Variants in DOCK9 observed in about 807,000 individuals in gnomAD.
DOCK9 encodes the protein dedicator of cytokinesis 9.
In DOCK9, 89 loss-of-function variants were observed where a neutral mutation model predicts 263.3. The ratio of observed to expected loss-of-function variants is 0.34; its 90% CI spans 0.28 to 0.40. DOCK9 has a LOEUF of 0.40. Ranked by LOEUF, DOCK9 falls within the 10% of genes least tolerant of loss-of-function variation. The pLI is 1.00. For missense variants in DOCK9, 2,140 were observed against 2,603.4 expected, an observed-to-expected ratio of 0.82 and a Z score of 3.87; for synonymous variants, 976 against 973.1, an observed-to-expected ratio of 1.00 and a Z score of -0.06.
In DOCK9 at chr13:98,829,899, G is replaced by A; in HGVS notation, c.4636-143C>T. The stretch of plus-strand genomic sequence containing the variant: ...TTTGAGCAGGGGTCGCTCCGTGTAG[G>A]AAACAATGTCTGAGGTATTTTCTTC... On this transcript the variant is annotated intron_variant, in intron 41 of 52. Transcript: ENST00000682017. The surrounding 1 kb of genome is among the most constrained non-coding windows in gnomAD (Gnocchi z 4.1). 1.6e-6 allele frequency: 1 copy of A among 637,490 alleles called. No homozygotes were observed. Among genetic ancestry groups the A allele is most frequent in the Non-Finnish European group, 2.8e-6 (1 of 356,464 alleles). 39.5% of individuals were successfully genotyped at this position (637,490 alleles called of 1,614,324 possible).
chr13:98,868,460 T>A lies in DOCK9; in HGVS notation c.2944-83A>T, dbSNP rs559380071. On this transcript the variant is annotated intron_variant, in intron 27 of 52. Transcript: ENST00000682017. ...AAAAAATATCTCATCCCTGAGTCCA[T>A]CTTAAAAAACCCAGAGTTTCTAGCT... 2.8e-6 allele frequency: 4 copies of A among 1,447,870 alleles called. No individual in the cohort carries two copies. The African/African-American group carries it at 5.7e-5, about 21-fold the overall frequency. The allele number at this position is 1,447,870 out of a possible 1,614,324, so 89.7% of individuals were successfully genotyped here.
intron 27 of DOCK9, among the ~76,000 whole-genome samples, chr13:98,878,491 GACA>G (rs1313527720): frequency 1.3e-5 from 2 of 152,050 alleles, no homozygotes; most frequent in Non-Finnish European, 1.5e-5. Context: ...ATATCAGTAA[GACA>G]ACATTTTTTT....
chr13:99,058,794 T>C (rs2041049019), intron 1 of DOCK9, among the ~76,000 whole-genome samples: 1 of 152,114 alleles, frequency 6.6e-6, no homozygotes, highest in African/African-American at 2.4e-5. Context: ...ATAGGGCACA[T>C]GTAGCAGCCA....
chr13:98,961,641 G>A (rs1347825714), intron 1 of DOCK9, among the ~76,000 whole-genome samples: 3 of 151,968 alleles, frequency 2.0e-5, no homozygotes, highest in Non-Finnish European at 4.4e-5. Flanking sequence ...TCGGCTTGCT[G>A]TGACCTGCAA....
intron 9 of DOCK9, among the ~76,000 whole-genome samples, chr13:98,909,443 T>C (rs1462040321): frequency 6.6e-6 from 1 of 152,214 alleles, no homozygotes; most frequent in Non-Finnish European, 1.5e-5. Flanking sequence ...GCCAACAGCA[T>C]CTTATTCTGA....
intron 1 of DOCK9, among the ~76,000 whole-genome samples, chr13:98,989,403 C>A (rs1195528592): frequency 6.6e-6 from 1 of 151,288 alleles, no homozygotes; most frequent in Non-Finnish European, 1.5e-5. Context: ...CAGGACCTCA[C>A]CCAGAACTTC....
At chr13:98,977,521 A>C (rs1436464059) in intron 1 of DOCK9, among the ~76,000 whole-genome samples, 1 of 152,222 alleles carries the variant, frequency 6.6e-6, no homozygotes, top group Non-Finnish European at 1.5e-5. Context: ...GTGGGACATA[A>C]TTGTGAACAA....
intron 1 of DOCK9, among the ~76,000 whole-genome samples, chr13:99,028,636 C>T (rs1036683130): frequency 5.3e-5 from 8 of 152,134 alleles, no homozygotes; most frequent in African/African-American, 7.2e-5. Flanking sequence ...CTTACCTCTA[C>T]AATTTAACTC....
At chr13:98,921,170 T>A (rs1432554367) in intron 6 of DOCK9, 82 bp from the exon 7 acceptor site, 1 of 1,383,474 alleles carries the variant, frequency 7.2e-7, no homozygotes, top group Non-Finnish European at 9.7e-7. Context: ...TATGACTACA[T>A]ACATACATAA....
At chr13:99,031,699 C>A (rs982432270) in intron 1 of DOCK9, among the ~76,000 whole-genome samples, 3 of 152,184 alleles carry the variant, frequency 2.0e-5, no homozygotes, top group African/African-American at 7.2e-5. Flanking sequence ...CTATCCCAGG[C>A]CCCCTAGCAA....
chr13:99,073,888 TA>T (rs1178507107), intron 1 of DOCK9, among the ~76,000 whole-genome samples: 1 of 152,230 alleles, frequency 6.6e-6, no homozygotes, highest in Non-Finnish European at 1.5e-5. Context: ...GTTATCTTGA[TA>T]TTTTTAAAGC....
At chr13:98,954,527 G>A (rs2057803100) in intron 2 of DOCK9, among the ~76,000 whole-genome samples, 4 of 152,214 alleles carry the variant, frequency 2.6e-5, no homozygotes, top group Admixed American at 2.6e-4. Flanking sequence ...TAGCCTGAAA[G>A]AGCGGCACAC....
intron 30 of DOCK9, among the ~76,000 whole-genome samples, chr13:98,864,192 C>T (rs574445055): frequency 6.6e-6 from 1 of 152,262 alleles, no homozygotes; most frequent in Non-Finnish European, 1.5e-5. Flanking sequence ...AAAACAAATA[C>T]AAATTTAATA....
At chr13:99,071,155 T>G (rs776181215) in intron 1 of DOCK9, among the ~76,000 whole-genome samples, 11 of 152,078 alleles carry the variant, frequency 7.2e-5, no homozygotes, top group Non-Finnish European at 1.6e-4. Context: ...GGTTTTTTTG[T>G]TTTTTGACAC....
chr13:99,055,370 G>A (rs1487902438), intron 1 of DOCK9, among the ~76,000 whole-genome samples: 1 of 152,218 alleles, frequency 6.6e-6, no homozygotes, highest in Admixed American at 6.5e-5. Flanking sequence ...AGGACTCCCT[G>A]TGAGAAATGA....
chr13:99,069,341 C>T (rs1003399802), intron 1 of DOCK9, among the ~76,000 whole-genome samples: 3 of 152,280 alleles, frequency 2.0e-5, no homozygotes, highest in Non-Finnish European at 4.4e-5. Context: ...AACAGAAATG[C>T]AGAACTCCTT....
chr13:98,823,231 C>G (rs1370544999), intron 45 of DOCK9, among the ~76,000 whole-genome samples: 1 of 152,138 alleles, frequency 6.6e-6, no homozygotes, highest in African/African-American at 2.4e-5. Context: ...ATTCTGCACA[C>G]AGCCTGTTTG....
At chr13:98,995,489 T>C (rs1299974586) in intron 1 of DOCK9, among the ~76,000 whole-genome samples, 5 of 59,892 alleles carry the variant, frequency 8.3e-5, no homozygotes, top group African/African-American at 9.6e-5. Context: ...AAGATACTTT[T>C]TTTTTTTTTT....
In DOCK9 at chr13:98,825,991, T is replaced by G. The variant is rs2140789095; in HGVS notation, c.5023+839A>C. ...GATAAAAGGTCTCAACAGGAAATAG[T>G]ACCGGTATTAAATGAACATGGAGCC... On this transcript the variant is annotated intron_variant, in intron 44 of 52. Transcript: ENST00000682017. The surrounding 1 kb of genome is among the most constrained non-coding windows in gnomAD (Gnocchi z 4.1). 1 of 1,393,100 alleles carries G rather than the reference T, an allele frequency of 7.2e-7. No homozygotes were observed. Among genetic ancestry groups the G allele is most frequent in the South Asian group, 1.7e-5 (1 of 59,472 alleles). 86.3% of individuals were successfully genotyped at this position (1,393,100 alleles called of 1,614,324 possible).
Sources: gnomAD v4.1 joint callset for allele counts (sites outside exome capture counted in the v4.1 genomes callset) on GRCh38, gnomAD v4.1.1 for gene constraint, Gnocchi (gnomAD v3.1) non-coding constraint, MANE v1.5 for transcripts, NCBI Gene and HGNC (gene_info 2026-07-23, HGNC 2026-07-21) for gene names.